The following KIRREL1 variants were observed in gnomAD, a reference collection of about 807,000 sequenced individuals.
KIRREL1 encodes the protein kirre like nephrin family adhesion molecule 1, also known as kin of IRRE-like protein 1.
Under a neutral mutation model 83.3 loss-of-function variants are expected in KIRREL1, and 25 were observed. The observed-to-expected ratio is 0.30, with a 90% confidence interval of 0.22 to 0.42. The LOEUF is 0.42. Ranked by LOEUF, KIRREL1 falls within the 10% of genes least tolerant of loss-of-function variation. The probability of loss-of-function intolerance (pLI) is 1.00; values close to 1 mark genes in which losing one functional copy is unlikely to be tolerated. For missense variants in KIRREL1, 812 were observed against 1,032.3 expected, an observed-to-expected ratio of 0.79 and a Z score of 2.92; for synonymous variants, 388 against 410.4, an observed-to-expected ratio of 0.95 and a Z score of 0.66.
chr1:158,035,355 G>A (rs1403227999), intron 1 of KIRREL1, among the ~76,000 whole-genome samples: 1 of 152,160 alleles, frequency 6.6e-6, no homozygotes. Flanking sequence ...CTGACAGCAA[G>A]GACTGCAGAG....
chr1:158,094,867 C>G lies in KIRREL1; in HGVS notation c.2021C>G (p.Ala674Gly). The G allele has an allele frequency of 1.2e-6, 2 of 1,614,014 alleles. No homozygotes were observed. The highest frequency in any genetic ancestry group is 1.7e-6 in the Non-Finnish European group (2 of 1,179,942). ...ACACCCCCTGGCCCTGCTGCCCCAG[C>G]TGGCACTGACACAACCAGCCAGCTG... ...EPTPPGPAAP[A>G]GTDTTSQLSY... Residue 674 changes from alanine (A) to glycine (G), a missense_variant, in exon 15 of 15, where the codon GCT becomes GGT. By Grantham distance (60) the Ala-to-Gly change is moderately conservative. Around this residue, in one of 3 missense-constraint regions of KIRREL1, gnomAD observed 334 missense variants for 383.7 expected, o/e 0.87. Coordinates refer to ENST00000359209, the MANE Select transcript of KIRREL1 (RefSeq NM_018240.7). This position sits in a 1 kb window ranked among gnomAD's most constrained non-coding sequence, Gnocchi z 4.6.
chr1:158,077,771 C>G (rs972685949), intron 2 of KIRREL1, among the ~76,000 whole-genome samples: 2 of 152,202 alleles, frequency 1.3e-5, no homozygotes, highest in African/African-American at 4.8e-5. Flanking sequence ...TCTGCTCCTG[C>G]TAGCCTCCCT....
intron 4 of KIRREL1, among the ~76,000 whole-genome samples, chr1:158,085,554 G>A (rs1661989310): frequency 6.6e-6 from 1 of 152,128 alleles, no homozygotes; most frequent in Non-Finnish European, 1.5e-5. Context: ...CAAACAAGTT[G>A]GTTTGTTAAT....
At chr1:158,045,371 C>T (rs1374130341) in intron 1 of KIRREL1, among the ~76,000 whole-genome samples, 1 of 152,170 alleles carries the variant, frequency 6.6e-6, no homozygotes, top group Non-Finnish European at 1.5e-5. Flanking sequence ...TTTGGGAGTC[C>T]CCAGGCCACC....
intron 3 of KIRREL1, among the ~76,000 whole-genome samples, chr1:158,079,130 T>C (rs1026640237): frequency 6.6e-6 from 1 of 152,202 alleles, no homozygotes; most frequent in African/African-American, 2.4e-5. Context: ...TTCTTCCCTA[T>C]TTACATTGAC....
chr1:157,998,744 A>G (rs751733622), intron 1 of KIRREL1, among the ~76,000 whole-genome samples: 7 of 152,178 alleles, frequency 4.6e-5, no homozygotes, highest in Non-Finnish European at 1.0e-4. Context: ...GGCTTGTTCT[A>G]ACCCGCCTGG....
chr1:158,012,890 C>G (rs1177939655), intron 1 of KIRREL1, among the ~76,000 whole-genome samples: 1 of 152,234 alleles, frequency 6.6e-6, no homozygotes, highest in Non-Finnish European at 1.5e-5. Context: ...ACAGCTAACC[C>G]TTTGTTGTGG....
chr1:158,086,569 A>G (rs146029367), intron 4 of KIRREL1, 27 bp from the exon 5 acceptor site: 18 of 1,549,574 alleles, frequency 1.2e-5, no homozygotes, highest in African/African-American at 8.2e-5. Flanking sequence ...TAGCTTAACC[A>G]TATCTCCCAC....
chr1:158,093,675 C>A lies in KIRREL1; in HGVS notation c.1632C>A (p.Asn544Lys), dbSNP rs755686481. The A allele has an allele frequency of 6.2e-7, 1 of 1,614,218 alleles. No individual in the cohort carries two copies. Among genetic ancestry groups the A allele is most frequent in the Non-Finnish European group, 8.5e-7 (1 of 1,180,050 alleles). ...RKLDIKVETV[N>K]REPLTMHSDR... ...TGGATATCAAGGTGGAGACAGTGAACCGAGAGCCACTTACGATGCATTCTG... is the reference window on the plus strand; with the variant it reads ...TGGATATCAAGGTGGAGACAGTGAAACGAGAGCCACTTACGATGCATTCTG... The change falls in exon 13 of 15, where the codon AAC (asparagine) becomes AAA (lysine). Residue 544 changes from asparagine (N) to lysine (K), a missense_variant. Asn to Lys is a moderately conservative substitution (Grantham distance 94, BLOSUM62 0). Transcript: ENST00000359209.
In KIRREL1 at chr1:158,098,605, C is replaced by T. The variant is rs1156462469; in HGVS notation, c.*3485C>T. 2.6e-5 allele frequency: 4 copies of T among 152,222 alleles called. No homozygotes were observed. The highest frequency in any genetic ancestry group is 4.4e-5 in the Non-Finnish European group (3 of 68,048). 9.4% of individuals were successfully genotyped at this position (152,222 alleles called of 1,614,324 possible). ...CTTGTGATTTTGGCTGAGCCACGGT[C>T]ACTTCCCTCGTGAAGGACCCGCCCT... On this transcript the variant is annotated 3_prime_UTR_variant, in exon 15 of 15. Coordinates refer to ENST00000359209, the MANE Select transcript of KIRREL1 (RefSeq NM_018240.7).
At chr1:158,044,692 T>C (rs1660728015) in intron 1 of KIRREL1, among the ~76,000 whole-genome samples, 1 of 152,068 alleles carries the variant, frequency 6.6e-6, no homozygotes, top group African/African-American at 2.4e-5. Flanking sequence ...AGAGATGGGG[T>C]TTAGCCATGT....
chr1:158,029,337 CTGTGTGTGTG>C (rs60980289), intron 1 of KIRREL1, among the ~76,000 whole-genome samples: 2 of 69,262 alleles, frequency 2.9e-5, no homozygotes, highest in African/African-American at 8.9e-5. Flanking sequence ...TAACAAAAAC[CTGTGTGTGTG>C]TGTGTGTGTG....
At position 158,083,685 on chromosome 1, in the gene KIRREL1, C is replaced by T. The variant is rs186196902; in HGVS notation, c.353-737C>T. Among the ~76,000 whole-genome samples, 6 of 152,248 alleles carry T rather than the reference C, an allele frequency of 3.9e-5. No homozygotes were observed. The South Asian group carries it at 1.2e-3, about 32-fold the overall frequency. ...GTCTGCTCCAGGGCAGAGGAGCAGA[C>T]AGGAGGAAGGATGGGAGAAGTGCTA... is the stretch of plus-strand genomic sequence containing the variant. On this transcript the variant is annotated intron_variant, in intron 3 of 14. Transcript: ENST00000359209.
intron 3 of KIRREL1, 106 bp downstream of exon 3, chr1:158,078,246 C>G: frequency 8.0e-7 from 1 of 1,251,956 alleles, no homozygotes; most frequent in Non-Finnish European, 1.1e-6. Flanking sequence ...TTCTCCCTCT[C>G]TGTTACTGGC....
chr1:158,000,832 C>T (rs1034121040), intron 1 of KIRREL1, among the ~76,000 whole-genome samples: 11 of 152,212 alleles, frequency 7.2e-5, no homozygotes, highest in Admixed American at 1.3e-4. Context: ...GCCAGTCAAC[C>T]TCCTCAGGAT....
rs116551482 is a variant in KIRREL1 at position 158,008,789 on chromosome 1, C to T, written c.52+15061C>T. ...ATGAAGAAAACCATGGCTCAGAGAG[C>T]GCCTGTCATTTGTTCGAGTCACAAC... On this transcript the variant is annotated intron_variant, in intron 1 of 14. Coordinates refer to ENST00000359209, the MANE Select transcript of KIRREL1 (RefSeq NM_018240.7). Among the ~76,000 whole-genome samples, 61 of 152,228 alleles carry T rather than the reference C, an allele frequency of 4.0e-4. 1 individual carries two copies. The South Asian group carries it at 9.8e-3, about 24-fold the overall frequency.
rs11430850 is a variant in KIRREL1, at chr1:158,092,345, C to CTTTTTTTT, written c.1471+802_1471+809dup. On this transcript the variant is annotated intron_variant, in intron 11 of 14. Transcript: ENST00000359209. Reference sequence around the variant, plus strand: ...AATGACAGCATCCCATCACTTCAGTCTTTTTTTTTTTTTTTTTTTTGAGAT... The same window carrying CTTTTTTTT: ...AATGACAGCATCCCATCACTTCAGTCTTTTTTTTTTTTTTTTTTTTTTTTTTTTGAGAT... Among the ~76,000 whole-genome samples the CTTTTTTTT allele has an allele frequency of 8.3e-3, 923 of 110,880 alleles. 47 individuals are homozygous for CTTTTTTTT. Among genetic ancestry groups the CTTTTTTTT allele is most frequent in the African/African-American group, 0.031 (874 of 28,514 alleles). The allele number at this position is 110,880 out of a possible 152,430, so 72.7% of individuals were successfully genotyped here.
rs550897277 is a variant in KIRREL1, at chr1:158,091,630, C to A, written c.1471+74C>A. The A allele has an allele frequency of 4.3e-6, 6 of 1,401,280 alleles. No individual in the cohort carries two copies. The African/African-American group carries it at 7.1e-5, about 17-fold the overall frequency. The allele number at this position is 1,401,280 out of a possible 1,614,324, so 86.8% of individuals were successfully genotyped here. On this transcript the variant is annotated intron_variant, in intron 11 of 14. Transcript: ENST00000359209. ...TTCTGCTCCTTCTTTTCTCCAGGGG[C>A]AGGGCTCAGCTGCTCCCCTTCCCTT...
intron 1 of KIRREL1, among the ~76,000 whole-genome samples, chr1:158,018,972 C>T (rs562823119): frequency 4.5e-4 from 69 of 152,310 alleles, no homozygotes; most frequent in African/African-American, 1.4e-3. Context: ...AAGGTTCATT[C>T]GGATGACTTG....
Sources: gnomAD v4.1 joint callset for allele counts (sites outside exome capture counted in the v4.1 genomes callset) on GRCh38, gnomAD v4.1.1 for gene constraint, gnomAD v4.1.1 regional missense constraint, Gnocchi (gnomAD v3.1) non-coding constraint, MANE v1.5 for transcripts, NCBI Gene and HGNC (gene_info 2026-07-23, HGNC 2026-07-21) for gene names.